The following LRMDA variants were observed in gnomAD, a reference collection of about 807,000 sequenced individuals.
LRMDA encodes the protein leucine-rich melanocyte differentiation-associated protein.
In LRMDA, 18 loss-of-function variants were observed where a neutral mutation model predicts 29.8. That is an observed-to-expected ratio of 0.60 (90% confidence interval 0.42 to 0.90). The LOEUF (loss-of-function observed/expected upper bound fraction) is 0.90, where lower values mean the gene tolerates loss of function less well. LRMDA is among the 40% of genes least tolerant of loss of function. The pLI is 0.00. For synonymous variants in LRMDA, 125 were observed against 109.4 expected, an observed-to-expected ratio of 1.14 and a Z score of -0.89; for missense variants, 273 against 273.9, an observed-to-expected ratio of 1.00 and a Z score of 0.02.
At chr10:75,532,056 G>GAAAAAA (rs60697116) in intron 2 of LRMDA, among the ~76,000 whole-genome samples, 49 of 95,296 alleles carry the variant, frequency 5.1e-4, no homozygotes, top group African/African-American at 1.1e-3. Context: ...AAGAAAGAAA[G>GAAAAAA]AAAAAAAAAA....
At position 76,006,720 on chromosome 10, in the gene LRMDA, G is replaced by C. The variant is rs187141173; in HGVS notation, c.132-29288G>C. Among the ~76,000 whole-genome samples, 62 of 152,180 alleles carry C rather than the reference G, an allele frequency of 4.1e-4. No individual in the cohort carries two copies. In the Middle Eastern group the frequency reaches 0.014, roughly 33 times the overall value. Reference sequence around the variant, plus strand: ...TCTTAGTGAGGGCTGGATTGTTTTTGAAAGGGGAATCGAAATTATTAGCAG... The same window carrying C: ...TCTTAGTGAGGGCTGGATTGTTTTTCAAAGGGGAATCGAAATTATTAGCAG... On this transcript the variant is annotated intron_variant, in intron 2 of 6. Coordinates refer to ENST00000611255, the MANE Select transcript of LRMDA (RefSeq NM_001305581.2).
Position 75,666,401 on chromosome 10 carries a change from T to C in LRMDA, c.131+227907T>C, listed in dbSNP as rs138184196. Among the ~76,000 whole-genome samples, 921 of 151,912 alleles carry C rather than the reference T, an allele frequency of 6.1e-3. 7 individuals are homozygous for C. Among genetic ancestry groups the C allele is most frequent in the Admixed American group, 0.015 (222 of 15,238 alleles). On this transcript the variant is annotated intron_variant, in intron 2 of 6. Coordinates refer to ENST00000611255, the MANE Select transcript of LRMDA (RefSeq NM_001305581.2). ...AATTATATTTTAATTTTGAATTTTG[T>C]ATATAGTTATACAGTATATAAACTA...
intron 2 of LRMDA, among the ~76,000 whole-genome samples, chr10:75,658,264 C>G (rs1224248607): frequency 1.5e-5 from 2 of 132,972 alleles, no homozygotes; most frequent in Non-Finnish European, 3.0e-5. Flanking sequence ...TGTTGGAACT[C>G]TAGAGTTGCT....
chr10:76,525,234 G>A (rs1018939733), intron 6 of LRMDA, among the ~76,000 whole-genome samples: 1 of 152,148 alleles, frequency 6.6e-6, no homozygotes, highest in Non-Finnish European at 1.5e-5. Context: ...ATGGGCCTAA[G>A]TTTCATAGGT....
chr10:75,912,832 A>G (rs1270477947), intron 2 of LRMDA, among the ~76,000 whole-genome samples: 1 of 152,184 alleles, frequency 6.6e-6, no homozygotes, highest in African/African-American at 2.4e-5. Flanking sequence ...GTGTGAGGCT[A>G]TTGCTTATCC....
chr10:76,082,701 T>C (rs572249695), intron 5 of LRMDA, among the ~76,000 whole-genome samples: 12 of 152,328 alleles, frequency 7.9e-5, no homozygotes, highest in Admixed American at 2.6e-4. Context: ...TGGCAAACGT[T>C]AGTGGGATGT....
At chr10:76,360,239 C>T (rs1186625173) in intron 6 of LRMDA, among the ~76,000 whole-genome samples, 9 of 152,012 alleles carry the variant, frequency 5.9e-5, no homozygotes, top group East Asian at 5.8e-4. Context: ...CTGCCTGCCT[C>T]GGCCTCCCAA....
chr10:76,400,630 TC>T (rs1381909430), intron 6 of LRMDA, among the ~76,000 whole-genome samples: 1 of 152,250 alleles, frequency 6.6e-6, no homozygotes, highest in African/African-American at 2.4e-5. Flanking sequence ...TTTCTGGCTT[TC>T]TGCCTTTTAC....
chr10:75,562,395 T>C (rs1840310070), intron 2 of LRMDA, among the ~76,000 whole-genome samples: 1 of 152,086 alleles, frequency 6.6e-6, no homozygotes, highest in African/African-American at 2.4e-5. Context: ...TAGATCTTCC[T>C]CCATCCTTTT....
chr10:75,471,138 C>CT (rs939349193), intron 2 of LRMDA, among the ~76,000 whole-genome samples: 3 of 151,716 alleles, frequency 2.0e-5, no homozygotes, highest in Non-Finnish European at 4.4e-5. Context: ...TTCTAACTGC[C>CT]TTTTTAACAA....
chr10:76,278,584 T>C (rs566120774), intron 5 of LRMDA, among the ~76,000 whole-genome samples: 1 of 152,304 alleles, frequency 6.6e-6, no homozygotes, highest in East Asian at 1.9e-4. Context: ...CAGCGGTGTC[T>C]CACCCACACT....
chr10:76,517,939 C>CATATATATAT (rs71024602), intron 6 of LRMDA, among the ~76,000 whole-genome samples: 5 of 144,254 alleles, frequency 3.5e-5, no homozygotes, highest in African/African-American at 1.3e-4. Flanking sequence ...TATATATAAA[C>CATATATATAT]ATATATATAT....
chr10:76,532,496 G>C (rs1237551664), intron 6 of LRMDA, among the ~76,000 whole-genome samples: 1 of 152,218 alleles, frequency 6.6e-6, no homozygotes, highest in Non-Finnish European at 1.5e-5. Context: ...GAGTCAGACA[G>C]TATCCTTGGG....
In LRMDA at chr10:76,219,743, A is replaced by T. The variant is rs558958365; in HGVS notation, c.517-104658A>T. Reference sequence around the variant, plus strand: ...GTTAACAAGGATACCCAGGAATTGAACTCAGCTCTGCACCAAGTGGACCTA... The same window carrying T: ...GTTAACAAGGATACCCAGGAATTGATCTCAGCTCTGCACCAAGTGGACCTA... On this transcript the variant is annotated intron_variant, in intron 5 of 6. Coordinates refer to ENST00000611255, the MANE Select transcript of LRMDA (RefSeq NM_001305581.2). Among the ~76,000 whole-genome samples, 92 of 152,278 alleles carry T rather than the reference A, an allele frequency of 6.0e-4. 1 individual carries two copies. Among genetic ancestry groups the T allele is most frequent in the Admixed American group, 1.1e-3 (17 of 15,296 alleles).
At chr10:76,540,461 C>T (rs1843341808) in intron 6 of LRMDA, among the ~76,000 whole-genome samples, 1 of 152,180 alleles carries the variant, frequency 6.6e-6, no homozygotes, top group Admixed American at 6.5e-5. Context: ...ATCTGTGTAT[C>T]AGCCATGTCT....
intron 2 of LRMDA, among the ~76,000 whole-genome samples, chr10:75,649,834 A>G (rs868829811): frequency 6.6e-6 from 1 of 152,206 alleles, no homozygotes; most frequent in Non-Finnish European, 1.5e-5. Flanking sequence ...TATGAGTAGC[A>G]TCTCATGTGG....
intron 2 of LRMDA, among the ~76,000 whole-genome samples, chr10:75,989,449 T>A (rs1190917753): frequency 1.3e-5 from 2 of 152,120 alleles, no homozygotes; most frequent in Non-Finnish European, 2.9e-5. Flanking sequence ...TCACAAGAAT[T>A]AATTATCAAC....
At chr10:75,458,339 G>A (rs1844544634) in intron 2 of LRMDA, among the ~76,000 whole-genome samples, 1 of 152,134 alleles carries the variant, frequency 6.6e-6, no homozygotes, top group Admixed American at 6.5e-5. Flanking sequence ...AGGGCTCTGT[G>A]GGGGGTCTAC....
chr10:76,460,672 A>T (rs1434851601), intron 6 of LRMDA, among the ~76,000 whole-genome samples: 1 of 152,224 alleles, frequency 6.6e-6, no homozygotes, highest in African/African-American at 2.4e-5. Flanking sequence ...CAGAAGTGTA[A>T]CTTGAATAGT....
Sources: gnomAD v4.1 joint callset for allele counts (sites outside exome capture counted in the v4.1 genomes callset) on GRCh38, gnomAD v4.1.1 for gene constraint, MANE v1.5 for transcripts, NCBI Gene and HGNC (gene_info 2026-07-23, HGNC 2026-07-21) for gene names.